The following RIPK1 variants were observed in gnomAD, a reference collection of about 807,000 sequenced individuals.
The protein encoded by RIPK1 is receptor interacting serine/threonine kinase 1.
Under a neutral mutation model 62.4 loss-of-function variants are expected in RIPK1, and 27 were observed. The observed-to-expected ratio is 0.43, with a 90% CI of 0.32 to 0.60. RIPK1 has a LOEUF of 0.60. Ranked by LOEUF, RIPK1 falls within the 20% of genes least tolerant of loss-of-function variation. RIPK1 has a pLI of 0.07. For missense variants in RIPK1, 735 were observed against 831.0 expected (o/e 0.88, Z 1.42); for synonymous variants, 287 against 303.2 (o/e 0.95, Z 0.55).
In RIPK1 at chr6:3,089,566, A is replaced by C. The variant is rs780783783; in HGVS notation, c.839-15A>C. The C allele has an allele frequency of 7.7e-6, 9 of 1,171,116 alleles. No homozygotes were observed. Among genetic ancestry groups the C allele is most frequent in the Non-Finnish European group, 1.3e-6 (1 of 791,060 alleles). The allele number at this position is 1,171,116 out of a possible 1,614,324, so 72.5% of individuals were successfully genotyped here. A position where few individuals can be genotyped will look rare whatever the true frequency, so the allele number is the denominator to read the frequency against. ...AAAATAATTAAGAAATTTAAAGTAC[A>C]TTTTACTTTTACAGGCATTGAAGAA... On this transcript the variant is annotated splice_polypyrimidine_tract_variant and intron_variant, in intron 6 of 10. Coordinates refer to ENST00000259808, the MANE Select transcript of RIPK1 (RefSeq NM_001354930.2).
chr6:3,077,762 A>C lies in RIPK1; in HGVS notation c.165-17A>C. On this transcript the variant is annotated splice_polypyrimidine_tract_variant and intron_variant, in intron 2 of 10. Coordinates refer to ENST00000259808, the MANE Select transcript of RIPK1 (RefSeq NM_001354930.2). Reference sequence around the variant, plus strand: ...CTGGCTCTGCCAGCCTCAGCATAGCACCTTTCCTGCCCACAGGCACAACGA... The same window carrying C: ...CTGGCTCTGCCAGCCTCAGCATAGCCCCTTTCCTGCCCACAGGCACAACGA... 6.2e-7 allele frequency: 1 copy of C among 1,613,598 alleles called. No homozygotes were observed. The highest frequency in any genetic ancestry group is 1.7e-5 in the Admixed American group (1 of 60,010).
At chr6:3,108,440 C>T (rs1430605423) in intron 9 of RIPK1, among the ~76,000 whole-genome samples, 4 of 152,152 alleles carry the variant, frequency 2.6e-5, no homozygotes, top group Non-Finnish European at 5.9e-5. Context: ...GCAGAAAGCA[C>T]TGATTCAAGA....
intron 1 of RIPK1, among the ~76,000 whole-genome samples, chr6:3,071,837 A>G (rs1264956147): frequency 6.6e-6 from 1 of 152,216 alleles, no homozygotes; most frequent in Non-Finnish European, 1.5e-5. Flanking sequence ...TGCAGGTCCT[A>G]GTTGGTCTTG....
chr6:3,099,074 C>T (rs567968575), intron 7 of RIPK1, among the ~76,000 whole-genome samples: 2 of 152,270 alleles, frequency 1.3e-5, no homozygotes, highest in East Asian at 3.9e-4. Flanking sequence ...ACTGTGTCTA[C>T]CACAAAGTCC....
In RIPK1 at chr6:3,090,703, A is replaced by AT. The variant is rs370484293; in HGVS notation, c.915+1047dup. Among the ~76,000 whole-genome samples the AT allele has an allele frequency of 5.0e-3, 767 of 152,138 alleles. 8 individuals carry two copies. The highest frequency in any genetic ancestry group is 0.018 in the African/African-American group (748 of 41,416). ...TAAGGATATAGAAGACAGAAAGAACATGACGAACACACTTGACGTAACGGA... is the reference window on the plus strand; with the variant it reads ...TAAGGATATAGAAGACAGAAAGAACATTGACGAACACACTTGACGTAACGGA... On this transcript the variant is annotated intron_variant, in intron 7 of 10. Transcript: ENST00000259808.
chr6:3,082,941 C>T (rs1466692543), intron 4 of RIPK1, 144 bp from the exon 5 acceptor site: 5 of 704,590 alleles, frequency 7.1e-6, no homozygotes, highest in Admixed American at 2.3e-5. Context: ...GTTGAGAAGT[C>T]GCTGTTTTGA....
At chr6:3,090,822 GCGCACCTACCTGCCGCACCT>G (rs1760028796) in intron 7 of RIPK1, among the ~76,000 whole-genome samples, 2 of 130,678 alleles carry the variant, frequency 1.5e-5, no homozygotes, top group African/African-American at 7.7e-5. Context: ...AGTAACCGCA[GCGCACCTACCTGCCGCACCT>G]AGTAACCGCA....
intron 1 of RIPK1, among the ~76,000 whole-genome samples, chr6:3,073,121 C>T (rs1758828860): frequency 6.6e-6 from 1 of 151,772 alleles, no homozygotes; most frequent in Non-Finnish European, 1.5e-5. Context: ...CATATATACG[C>T]ATATACAAAT....
upstream of RIPK1, among the ~76,000 whole-genome samples, chr6:3,064,284 C>T (rs1428395038): frequency 1.3e-5 from 2 of 152,140 alleles, no homozygotes; most frequent in African/African-American, 4.8e-5. Flanking sequence ...CGGACGCCGC[C>T]CTCCCCGGCG....
intron 7 of RIPK1, among the ~76,000 whole-genome samples, chr6:3,096,791 C>T (rs1012872969): frequency 2.0e-5 from 3 of 151,754 alleles, no homozygotes; most frequent in Middle Eastern, 3.4e-3. Context: ...GATCTCCCGA[C>T]CTCGTGATCT....
chr6:3,100,756 A>C (rs1342571416), intron 7 of RIPK1, among the ~76,000 whole-genome samples: 1 of 151,410 alleles, frequency 6.6e-6, no homozygotes, highest in Non-Finnish European at 1.5e-5. Flanking sequence ...ACACCCAGCT[A>C]ATTTTTTTGT....
rs768668126 is a variant in RIPK1 at position 3,083,174 on chromosome 6, T to C, written c.549T>C (p.Ala183=). 23 of 1,613,900 alleles carry C rather than the reference T, an allele frequency of 1.4e-5. No individual in the cohort carries two copies. The highest frequency in any genetic ancestry group is 5.1e-6 in the Non-Finnish European group (6 of 1,179,992). ...HNELREVDGT[A]KKNGGTLYYM... Reference sequence around the variant, plus strand: ...AGCTGAGGGAAGTGGACGGCACCGCTAAGAAGAATGGCGGCACCCTCTACT... The same window carrying C: ...AGCTGAGGGAAGTGGACGGCACCGCCAAGAAGAATGGCGGCACCCTCTACT... The change falls in exon 5 of 11, where the codon GCT becomes GCC. Residue 183 remains alanine (A), a synonymous_variant. Coordinates refer to ENST00000259808, the MANE Select transcript of RIPK1 (RefSeq NM_001354930.2).
chr6:3,077,127 C>G, intron 2 of RIPK1, 140 bp downstream of exon 2: 1 of 700,636 alleles, frequency 1.4e-6, no homozygotes, highest in Non-Finnish European at 2.3e-6. Flanking sequence ...GACGATGGCT[C>G]TTCGGATTGT....
At chr6:3,094,341 ATGTCCTCTG>A (rs1323192261) in intron 7 of RIPK1, among the ~76,000 whole-genome samples, 1 of 152,242 alleles carries the variant, frequency 6.6e-6, no homozygotes, top group Non-Finnish European at 1.5e-5. Context: ...AATCATAAAA[ATGTCCTCTG>A]AGTATATTTC....
upstream of RIPK1, chr6:3,064,016 G>A (rs554488500): frequency 0.01 from 1,559 of 152,560 alleles, 31 homozygotes; most frequent in African/African-American, 0.035. Flanking sequence ...CGCCTCGGGA[G>A]TCGGCGTCCA....
chr6:3,109,857 G>A (rs1761062876), intron 9 of RIPK1, among the ~76,000 whole-genome samples: 1 of 152,146 alleles, frequency 6.6e-6, no homozygotes, highest in South Asian at 2.1e-4. Flanking sequence ...GACCAGTCTA[G>A]GTACCTCATG....
In RIPK1 at chr6:3,076,870, A is replaced by T; in HGVS notation, c.47A>T (p.Asp16Val). 1.2e-6 allele frequency: 2 copies of T among 1,612,636 alleles called. No individual in the cohort carries two copies. Among genetic ancestry groups the T allele is most frequent in the South Asian group, 2.2e-5 (2 of 91,004 alleles). The change falls in exon 2 of 11, where the codon GAC becomes GTC. Residue 16 changes from aspartate (D) to valine (V), a missense_variant. Coordinates refer to ENST00000259808, the MANE Select transcript of RIPK1 (RefSeq NM_001354930.2). ...AATGTCATTAAGATGAAATCCAGTG[A>T]CTTCCTGGAGAGTGCAGAACTGGAC... Reference protein sequence around the residue: ...SLNVIKMKSSDFLESAELDSG... With the variant: ...SLNVIKMKSSVFLESAELDSG...
At position 3,105,596 on chromosome 6, in the gene RIPK1, T is replaced by C. The variant is rs1760806460; in HGVS notation, c.1121T>C (p.Leu374Pro). ...CCACAAGAAGAGAATGAGCCCAGCC[T>C]GCAGAGTAAACTCCAAGACGAAGCC... ...EHPQEENEPSLQSKLQDEANY... is the reference protein window; with the variant it reads ...EHPQEENEPSPQSKLQDEANY... The change falls in exon 9 of 11, where the codon CTG becomes CCG. Residue 374 changes from leucine to proline, a missense_variant. Transcript: ENST00000259808. This position sits in a 1 kb window ranked among gnomAD's most constrained non-coding sequence, Gnocchi z 4.5. The C allele has an allele frequency of 6.2e-7, 1 of 1,614,038 alleles. No individual in the cohort carries two copies. The highest frequency in any genetic ancestry group is 8.5e-7 in the Non-Finnish European group (1 of 1,179,970).
In RIPK1 at chr6:3,111,319, G is replaced by A. The variant is rs544438075; in HGVS notation, c.1729+364G>A. On this transcript the variant is annotated intron_variant, in intron 10 of 10. Transcript: ENST00000259808. ...GAAATAGCTGTGTCAGGCCCTCATC[G>A]AAGGAGATCCTGTAAAAGATAGAAG... is the stretch of plus-strand genomic sequence containing the variant. Among the ~76,000 whole-genome samples the A allele has an allele frequency of 9.2e-5, 14 of 152,208 alleles. No homozygotes were observed. In the South Asian group the frequency reaches 2.7e-3, roughly 29 times the overall value.
Sources: allele counts gnomAD v4.1 joint callset (sites outside exome capture counted in the v4.1 genomes callset), GRCh38; gene constraint gnomAD v4.1.1; non-coding constraint Gnocchi (gnomAD v3.1); transcripts MANE v1.5; gene names NCBI Gene and HGNC (gene_info 2026-07-23, HGNC 2026-07-21).